Variants in GJC1 observed in about 807,000 individuals in gnomAD.
The protein encoded by GJC1 is gap junction gamma-1 protein.
In GJC1, 5 loss-of-function variants were observed where a neutral mutation model predicts 29.3. That is an observed-to-expected ratio of 0.17 (90% CI 0.09 to 0.36). The LOEUF is 0.36. Among genes scored for constraint, GJC1 ranks in the 10% least tolerant of loss-of-function variants. The probability of loss-of-function intolerance (pLI) is 1.00; values close to 1 mark genes in which losing one functional copy is unlikely to be tolerated. For synonymous variants in GJC1, 177 were observed against 183.3 expected (o/e 0.97, Z 0.28); for missense variants, 310 against 496.2 (o/e 0.62, Z 3.56).
At chr17:44,810,097 C>A (rs1434466880) in intron 1 of GJC1, among the ~76,000 whole-genome samples, 3 of 146,140 alleles carry the variant, frequency 2.1e-5, no homozygotes. Context: ...CTCCTGACCT[C>A]GTGATCCACC....
intron 1 of GJC1, among the ~76,000 whole-genome samples, chr17:44,817,557 AATATTAGCCAGGCGTG>A (rs889704361): frequency 6.6e-6 from 1 of 151,852 alleles, no homozygotes; most frequent in African/African-American, 2.4e-5. Context: ...CTAAAAATAC[AATATTAGCCAGGCGTG>A]ATGGTGCATG....
chr17:44,815,510 T>C (rs943975700), intron 1 of GJC1, among the ~76,000 whole-genome samples: 2 of 152,164 alleles, frequency 1.3e-5, no homozygotes, highest in Admixed American at 6.6e-5. Flanking sequence ...TGGCAATGAA[T>C]GTATACTTAA....
At chr17:44,806,631 C>T (rs1003249578) in intron 2 of GJC1, among the ~76,000 whole-genome samples, 5 of 151,804 alleles carry the variant, frequency 3.3e-5, no homozygotes, top group South Asian at 2.1e-4. Context: ...TCAGGTGATC[C>T]GCCTGCCTTG....
downstream of GJC1, among the ~76,000 whole-genome samples, chr17:44,796,908 C>T (rs2049787046): frequency 6.6e-6 from 1 of 152,000 alleles, no homozygotes; most frequent in Non-Finnish European, 1.5e-5. Context: ...CGTGCAGTGG[C>T]GCAACCACGG....
chr17:44,831,274 A>G (rs1434080783), upstream of GJC1, among the ~76,000 whole-genome samples: 1 of 152,258 alleles, frequency 6.6e-6, no homozygotes, highest in African/African-American at 2.4e-5. Flanking sequence ...TTCCAAAAAT[A>G]TGAATTAGTT....
intron 1 of GJC1, among the ~76,000 whole-genome samples, chr17:44,820,715 A>G (rs955565770): frequency 2.0e-5 from 3 of 152,198 alleles, no homozygotes; most frequent in Non-Finnish European, 4.4e-5. Flanking sequence ...TCCACTAAGA[A>G]TCGTGCTAGT....
chr17:44,821,037 G>A (rs968527314), intron 1 of GJC1, among the ~76,000 whole-genome samples: 25 of 152,318 alleles, frequency 1.6e-4, no homozygotes, highest in Admixed American at 6.5e-4. Flanking sequence ...TGGAGAGTGA[G>A]TAGTTTGAGA....
At chr17:44,797,959 T>C (rs1024780948), downstream of GJC1, among the ~76,000 whole-genome samples, 6 of 152,168 alleles carry the variant, frequency 3.9e-5, no homozygotes, top group African/African-American at 1.2e-4. Flanking sequence ...GCATTGCTGC[T>C]CCCTTCTCAG....
chr17:44,821,723 A>C lies in GJC1; in HGVS notation c.-97+8339T>G, dbSNP rs796286062. On this transcript the variant is annotated intron_variant, in intron 1 of 2. Transcript: ENST00000592524. ...AAAAAAAAAAAAAAAAAAAAAAAAA[A>C]AACAACAAAAAAACACCAACACCCA... 1.8e-3 allele frequency among the ~76,000 whole-genome samples: 251 copies of C among 141,756 alleles called. 2 individuals are homozygous for C. Among genetic ancestry groups the C allele is most frequent in the African/African-American group, 5.4e-3 (203 of 37,730 alleles). 93.0% of individuals were successfully genotyped at this position (141,756 alleles called of 152,430 possible).
chr17:44,814,666 G>A (rs1041583448), intron 1 of GJC1, among the ~76,000 whole-genome samples: 2 of 152,088 alleles, frequency 1.3e-5, no homozygotes, highest in African/African-American at 4.8e-5. Context: ...ACATAGGGCC[G>A]GAGCGATGGC....
At chr17:44,819,574 C>T (rs1480409031) in intron 1 of GJC1, among the ~76,000 whole-genome samples, 2 of 151,822 alleles carry the variant, frequency 1.3e-5, no homozygotes, top group Non-Finnish European at 2.9e-5. Flanking sequence ...AGGAGAACAG[C>T]GTGAACCCAG....
At chr17:44,828,564 T>A (rs929716947) in intron 1 of GJC1, among the ~76,000 whole-genome samples, 21 of 152,208 alleles carry the variant, frequency 1.4e-4, no homozygotes, top group African/African-American at 4.8e-4. Context: ...GGCACAAAAA[T>A]CTGGGGAAAA....
intron 1 of GJC1, among the ~76,000 whole-genome samples, chr17:44,809,798 C>T (rs2049953381): frequency 6.6e-6 from 1 of 151,886 alleles, no homozygotes; most frequent in Non-Finnish European, 1.5e-5. Flanking sequence ...AACTCCTGAC[C>T]TCAGGTGATC....
chr17:44,821,040 G>A (rs1413179352), intron 1 of GJC1, among the ~76,000 whole-genome samples: 1 of 152,194 alleles, frequency 6.6e-6, no homozygotes, highest in East Asian at 1.9e-4. Context: ...AGAGTGAGTA[G>A]TTTGAGATCT....
intron 1 of GJC1, among the ~76,000 whole-genome samples, chr17:44,818,191 C>T (rs557199419): frequency 2.2e-4 from 34 of 151,868 alleles, no homozygotes; most frequent in African/African-American, 7.7e-4. Flanking sequence ...CCAGCCTGGG[C>T]GACAAGAGCG....
At position 44,798,959 on chromosome 17, in the gene GJC1, G is replaced by C. The variant is rs2049808244; in HGVS notation, c.*5668C>G. On this transcript the variant is annotated 3_prime_UTR_variant, in exon 3 of 3. Transcript: ENST00000592524. ...AGCTCACTGCAACCTCCGCCTCCTGGGTTCAAGAGATTGTCATCTCATGCC... is the reference window on the plus strand; with the variant it reads ...AGCTCACTGCAACCTCCGCCTCCTGCGTTCAAGAGATTGTCATCTCATGCC... The C allele has an allele frequency of 1.3e-5, 2 of 152,128 alleles. No homozygotes were observed. Among genetic ancestry groups the C allele is most frequent in the South Asian group, 2.1e-4 (1 of 4,822 alleles). The allele number at this position is 152,128 out of a possible 1,614,324, so 9.4% of individuals were successfully genotyped here.
At chr17:44,806,013 C>A (rs2049908901) in intron 2 of GJC1, among the ~76,000 whole-genome samples, 176 bp from the exon 3 acceptor site, 1 of 152,146 alleles carries the variant, frequency 6.6e-6, no homozygotes, top group Admixed American at 6.5e-5. Context: ...GTGGCTCACG[C>A]CTGTAATCCC....
chr17:44,821,473 G>C (rs865854267), intron 1 of GJC1, among the ~76,000 whole-genome samples: 2 of 151,884 alleles, frequency 1.3e-5, no homozygotes, highest in Non-Finnish European at 2.9e-5. Flanking sequence ...TGAGGCAGGC[G>C]GATCACCTGA....
chr17:44,803,563 TTAGGCCTTCTGCCATTTCC>T lies in GJC1; in HGVS notation c.*1045_*1063del, dbSNP rs371806103. On this transcript the variant is annotated 3_prime_UTR_variant, in exon 3 of 3. Coordinates refer to ENST00000592524, the MANE Select transcript of GJC1 (RefSeq NM_005497.4). ...ATTATAAAAAATAAGAAATTTGGAT[TTAGGCCTTCTGCCATTTCC>T]AATACAAGTAGCTTTGAGTATTCTT... 7 of 152,254 alleles carry T rather than the reference TTAGGCCTTCTGCCATTTCC, an allele frequency of 4.6e-5. No homozygotes were observed. Among genetic ancestry groups the T allele is most frequent in the African/African-American group, 1.2e-4 (5 of 41,468 alleles). The allele number at this position is 152,254 out of a possible 1,614,324, so 9.4% of individuals were successfully genotyped here.
Sources: gnomAD v4.1 joint callset for allele counts (sites outside exome capture counted in the v4.1 genomes callset) on GRCh38, gnomAD v4.1.1 for gene constraint, MANE v1.5 for transcripts, NCBI Gene and HGNC (gene_info 2026-07-23, HGNC 2026-07-21) for gene names.